Variants in DAB1 observed in about 807,000 individuals in gnomAD.
The protein encoded by DAB1 is disabled homolog 1.
In DAB1, 15 loss-of-function variants were observed where a neutral mutation model predicts 64.6. That is an observed-to-expected ratio of 0.23 (90% confidence interval 0.16 to 0.36). The LOEUF is 0.36. Among genes scored for constraint, DAB1 ranks in the 10% least tolerant of loss-of-function variants. The pLI is 1.00. For missense variants in DAB1, 596 were observed against 706.7 expected, an observed-to-expected ratio of 0.84 and a Z score of 1.78; for synonymous variants, 235 against 251.9, an observed-to-expected ratio of 0.93 and a Z score of 0.64.
At chr1:58,527,523 A>C (rs1302432777) in intron 1 of DAB1, among the ~76,000 whole-genome samples, 4 of 152,196 alleles carry the variant, frequency 2.6e-5, no homozygotes, top group African/African-American at 9.6e-5. Context: ...GATTAGAAAT[A>C]CTTTAAAAAA....
intron 5 of DAB1, among the ~76,000 whole-genome samples, chr1:57,927,602 G>A (rs1644897243): frequency 6.6e-6 from 1 of 152,154 alleles, no homozygotes; most frequent in African/African-American, 2.4e-5. Context: ...GCACTAGAAG[G>A]CAAGGTTGTG....
At chr1:57,492,698 A>AGCTTTAACCCTACTGGGCAAGTC (rs1461532669) in intron 7 of DAB1, among the ~76,000 whole-genome samples, 8 of 152,196 alleles carry the variant, frequency 5.3e-5, no homozygotes, top group East Asian at 1.9e-4. Flanking sequence ...TTTCAAACAT[A>AGCTTTAACCCTACTGGGCAAGTC]GCTTTAACCC....
At chr1:57,438,227 A>C (rs1284289965) in intron 7 of DAB1, among the ~76,000 whole-genome samples, 1 of 152,180 alleles carries the variant, frequency 6.6e-6, no homozygotes, top group Admixed American at 6.5e-5. Context: ...AAATGTAAAA[A>C]AAAAAAAATT....
intron 6 of DAB1, among the ~76,000 whole-genome samples, chr1:57,753,886 G>C (rs1305764861): frequency 6.6e-6 from 1 of 152,174 alleles, no homozygotes; most frequent in Non-Finnish European, 1.5e-5. Flanking sequence ...CAATTCTAGA[G>C]GTAAGACTGG....
At chr1:57,272,908 TAAGAA>T (rs886884521) in intron 2 of DAB1, among the ~76,000 whole-genome samples, 3 of 152,136 alleles carry the variant, frequency 2.0e-5, no homozygotes, top group Admixed American at 2.0e-4. Context: ...TAAGAAGAAA[TAAGAA>T]AAGTGTGGGA....
At chr1:57,770,256 A>T (rs930281253) in intron 6 of DAB1, among the ~76,000 whole-genome samples, 3 of 152,076 alleles carry the variant, frequency 2.0e-5, no homozygotes, top group Non-Finnish European at 2.9e-5. Flanking sequence ...AGATAATAAT[A>T]AAAAAGCCTG....
At chr1:57,392,750 C>T (rs1682485551) in intron 1 of DAB1, among the ~76,000 whole-genome samples, 1 of 152,212 alleles carries the variant, frequency 6.6e-6, no homozygotes, top group South Asian at 2.1e-4. Context: ...CTGAGAGGAA[C>T]TGGCATGTTC....
chr1:57,882,903 C>T (rs757834532), intron 1 of DAB1, among the ~76,000 whole-genome samples: 12 of 152,160 alleles, frequency 7.9e-5, no homozygotes, highest in African/African-American at 2.7e-4. Flanking sequence ...GAAAGGTACA[C>T]CGAACCCAGT....
chr1:57,717,902 A>T (rs1647103559), intron 6 of DAB1, among the ~76,000 whole-genome samples: 1 of 151,402 alleles, frequency 6.6e-6, no homozygotes, highest in South Asian at 2.1e-4. Context: ...TAATCTCATT[A>T]ATACGTAGAA....
intron 7 of DAB1, among the ~76,000 whole-genome samples, chr1:57,609,098 T>C (rs1475462852): frequency 6.6e-6 from 1 of 152,194 alleles, no homozygotes; most frequent in East Asian, 1.9e-4. Context: ...TTATACCTTT[T>C]GTTCTCAGCA....
intron 1 of DAB1, among the ~76,000 whole-genome samples, chr1:57,406,293 C>A (rs1220534611): frequency 1.3e-5 from 2 of 152,192 alleles, no homozygotes; most frequent in African/African-American, 2.4e-5. Flanking sequence ...AGATACTAAC[C>A]CTCCCTTACT....
intron 5 of DAB1, among the ~76,000 whole-genome samples, chr1:57,898,370 T>A (rs561507387): frequency 6.6e-6 from 1 of 152,182 alleles, no homozygotes; most frequent in South Asian, 2.1e-4. Flanking sequence ...CTAAAATTAG[T>A]TGTGTATATC....
intron 4 of DAB1, among the ~76,000 whole-genome samples, chr1:58,324,202 C>T (rs1662767955): frequency 1.3e-5 from 2 of 152,150 alleles, no homozygotes; most frequent in African/African-American, 4.8e-5. Context: ...TTATAATAGC[C>T]TCGCTGCATA....
chr1:58,369,959 C>A (rs1644249577), intron 3 of DAB1, among the ~76,000 whole-genome samples: 1 of 152,108 alleles, frequency 6.6e-6, no homozygotes, highest in Non-Finnish European at 1.5e-5. Flanking sequence ...TATTGCTAGC[C>A]AAAGTATAAA....
intron 4 of DAB1, among the ~76,000 whole-genome samples, chr1:58,341,980 C>A (rs1244705788): frequency 6.6e-6 from 1 of 152,148 alleles, no homozygotes; most frequent in East Asian, 1.9e-4. Flanking sequence ...ATGGTAGACA[C>A]ACAACAAATA....
At chr1:57,400,769 C>G (rs886628677) in intron 1 of DAB1, among the ~76,000 whole-genome samples, 1 of 151,900 alleles carries the variant, frequency 6.6e-6, no homozygotes, top group Non-Finnish European at 1.5e-5. Flanking sequence ...TTGTGCCCAT[C>G]TAGACACATT....
chr1:57,358,040 G>GT (rs1679262755), intron 1 of DAB1, among the ~76,000 whole-genome samples: 1 of 152,000 alleles, frequency 6.6e-6, no homozygotes, highest in East Asian at 1.9e-4. Context: ...AGCTCTAACA[G>GT]TTTTTTGGTA....
chr1:58,041,005 C>T (rs1203472568), intron 5 of DAB1, among the ~76,000 whole-genome samples: 1 of 152,194 alleles, frequency 6.6e-6, no homozygotes, highest in Non-Finnish European at 1.5e-5. Context: ...CCCCTGGATA[C>T]ATTACAGTTC....
chr1:58,004,466 C>A (rs1353660021), intron 5 of DAB1, among the ~76,000 whole-genome samples: 1 of 152,058 alleles, frequency 6.6e-6, no homozygotes, highest in African/African-American at 2.4e-5. Flanking sequence ...GCTGTGGGAA[C>A]ACAAGAATGG....
Sources: allele counts gnomAD v4.1 joint callset (sites outside exome capture counted in the v4.1 genomes callset), GRCh38; gene constraint gnomAD v4.1.1; transcripts MANE v1.5; gene names NCBI Gene and HGNC (gene_info 2026-07-23, HGNC 2026-07-21).